VPS53: variants seen among roughly 807,000 people sequenced by gnomAD.
VPS53 encodes the protein VPS53 subunit of GARP complex.
Under a neutral mutation model 107.0 loss-of-function variants are expected in VPS53, and 70 were observed. The observed-to-expected ratio is 0.65, with a 90% CI of 0.54 to 0.80. VPS53 has a LOEUF of 0.80. VPS53 is among the 30% of genes least tolerant of loss of function. The probability of loss-of-function intolerance (pLI) is 0.00; values close to 1 mark genes in which losing one functional copy is unlikely to be tolerated. For missense variants in VPS53, 917 were observed against 1,049.4 expected, an observed-to-expected ratio of 0.87 and a Z score of 1.74; for synonymous variants, 409 against 393.3, an observed-to-expected ratio of 1.04 and a Z score of -0.47.
intron 4 of VPS53, among the ~76,000 whole-genome samples, chr17:663,207 A>C (rs1971543575): frequency 6.6e-6 from 1 of 152,190 alleles, no homozygotes; most frequent in Non-Finnish European, 1.5e-5. Context: ...GTCTCAAAAA[A>C]ACAAGCAAAA....
At chr17:671,474 G>A (rs762239347) in intron 4 of VPS53, among the ~76,000 whole-genome samples, 5 of 152,160 alleles carry the variant, frequency 3.3e-5, no homozygotes, top group African/African-American at 4.8e-5. Flanking sequence ...GCCAGTTACT[G>A]TGTGATTTCT....
At chr17:561,320 T>G (rs560465012) in intron 14 of VPS53, among the ~76,000 whole-genome samples, 3 of 152,314 alleles carry the variant, frequency 2.0e-5, no homozygotes, top group East Asian at 3.9e-4. Context: ...TCTGGATGCT[T>G]TGGAATCCTC....
rs1344386557 is a variant in VPS53, at chr17:673,096, A to T, written c.286-11201T>A. On this transcript the variant is annotated intron_variant, in intron 4 of 21. Coordinates refer to ENST00000437048, the MANE Select transcript of VPS53 (RefSeq NM_001128159.3). Reference sequence around the variant, plus strand: ...CACTGCACTCCAGCCTGGGGCACAGAGCAAGATTCCGTCGCAAAAAAAAAA... The same window carrying T: ...CACTGCACTCCAGCCTGGGGCACAGTGCAAGATTCCGTCGCAAAAAAAAAA... Among the ~76,000 whole-genome samples, 7 of 149,280 alleles carry T rather than the reference A, an allele frequency of 4.7e-5. No homozygotes were observed. In the East Asian group the frequency reaches 1.4e-3, roughly 30 times the overall value.
intron 17 of VPS53, among the ~76,000 whole-genome samples, chr17:540,971 G>T (rs373270372): frequency 6.6e-6 from 1 of 152,176 alleles, no homozygotes; most frequent in Non-Finnish European, 1.5e-5. Flanking sequence ...TAGCTTCAGT[G>T]GATCTTGTTT....
intron 13 of VPS53, among the ~76,000 whole-genome samples, chr17:570,718 A>C (rs981266739): frequency 1.3e-5 from 2 of 152,138 alleles, no homozygotes; most frequent in African/African-American, 4.8e-5. Flanking sequence ...ATAAACTAAC[A>C]ACCTGTGATC....
At chr17:562,853 C>T in intron 13 of VPS53, 108 bp from the exon 14 acceptor site, 1 of 1,284,148 alleles carries the variant, frequency 7.8e-7, no homozygotes, top group East Asian at 2.5e-5. Context: ...ATCATTCCTA[C>T]TGCATTTAAA....
chr17:622,644 A>G (rs1443816719), intron 11 of VPS53, among the ~76,000 whole-genome samples: 1 of 152,236 alleles, frequency 6.6e-6, no homozygotes, highest in Non-Finnish European at 1.5e-5. Flanking sequence ...CCCAGTGGAC[A>G]GGAAATCTGA....
rs763222488 is a variant in VPS53 at position 601,836 on chromosome 17, C to T, written c.1177G>A (p.Glu393Lys). Residue 393 changes from glutamate (E) to lysine (K), a missense_variant, in exon 12 of 22, where the codon GAG becomes AAG. By Grantham distance (56) the Glu-to-Lys change is moderately conservative (BLOSUM62 1). Transcript: ENST00000437048. Reference protein sequence around the residue: ...NPFLEDEPTPEMEELATEKGD... With the variant: ...NPFLEDEPTPKMEELATEKGD... The stretch of plus-strand genomic sequence containing the variant: ...TTCTCCGTTGCCAGTTCCTCCATCT[C>T]TGGTGTTGGCTCATCTTCCAGGAAG... 1 of 1,602,584 alleles carries T rather than the reference C, an allele frequency of 6.2e-7. No individual in the cohort carries two copies. The highest frequency in any genetic ancestry group is 1.1e-5 in the South Asian group (1 of 89,276).
chr17:671,644 G>A (rs79764933), intron 4 of VPS53, among the ~76,000 whole-genome samples: 10,422 of 151,516 alleles, frequency 0.069, 520 homozygotes, highest in Non-Finnish European at 0.11. Context: ...CTTTCACCGT[G>A]TTTCTACAGA....
At chr17:635,537 A>G (rs890972126) in intron 7 of VPS53, among the ~76,000 whole-genome samples, 5 of 152,292 alleles carry the variant, frequency 3.3e-5, no homozygotes, top group African/African-American at 9.6e-5. Flanking sequence ...TAGGTCTAAC[A>G]TTTAAGTCTT....
chr17:618,762 A>G (rs528804609), intron 11 of VPS53, among the ~76,000 whole-genome samples: 2 of 147,848 alleles, frequency 1.4e-5, no homozygotes, highest in Admixed American at 1.4e-4. Context: ...TGCCCCGCTA[A>G]TATTTCCCGG....
chr17:605,122 G>A (rs765000671), intron 11 of VPS53, among the ~76,000 whole-genome samples: 13 of 152,290 alleles, frequency 8.5e-5, no homozygotes, highest in Non-Finnish European at 1.5e-4. Flanking sequence ...GGTGGAGGGC[G>A]GAGGGAACAG....
chr17:530,730 G>A (rs1909475409), intron 19 of VPS53, among the ~76,000 whole-genome samples: 1 of 152,122 alleles, frequency 6.6e-6, no homozygotes, highest in Admixed American at 6.6e-5. Context: ...AATAATTAGT[G>A]ACCCTGCAAA....
intron 11 of VPS53, among the ~76,000 whole-genome samples, chr17:612,807 TAGTG>T (rs1324448569): frequency 2.7e-5 from 4 of 147,126 alleles, no homozygotes; most frequent in Non-Finnish European, 4.5e-5. Flanking sequence ...AATATTCACA[TAGTG>T]AGTTCACACA....
At chr17:643,521 T>TGAGGACAACACTCATACTTGGAAACC (rs1351854274) in intron 7 of VPS53, among the ~76,000 whole-genome samples, 2 of 91,162 alleles carry the variant, frequency 2.2e-5, no homozygotes, top group African/African-American at 4.6e-5. Flanking sequence ...ACTTGGCAAC[T>TGAGGACAACACTCATACTTGGAAACC]GAGGACAACA....
chr17:661,756 G>A (rs1253222584), intron 5 of VPS53, 53 bp downstream of exon 5: 6 of 1,509,462 alleles, frequency 4.0e-6, no homozygotes, highest in Middle Eastern at 3.4e-4. Flanking sequence ...GCCTAGATGA[G>A]AAGCTCACTT....
In VPS53 at chr17:680,326, G is replaced by A. The variant is rs1008042795; in HGVS notation, c.285+17092C>T. On this transcript the variant is annotated intron_variant, in intron 4 of 21. Transcript: ENST00000437048. ...CAACAACAAAAACTGACATAAACCCGATACAAAATCTAACAATGATAACCA... is the reference window on the plus strand; with the variant it reads ...CAACAACAAAAACTGACATAAACCCAATACAAAATCTAACAATGATAACCA... 4.6e-5 allele frequency among the ~76,000 whole-genome samples: 7 copies of A among 151,956 alleles called. No individual in the cohort carries two copies. In the South Asian group the frequency reaches 8.3e-4, roughly 18 times the overall value.
intron 2 of VPS53, among the ~76,000 whole-genome samples, chr17:707,844 CAAAAAAAA>C (rs10708313): frequency 7.9e-6 from 1 of 127,000 alleles, no homozygotes; most frequent in Non-Finnish European, 1.6e-5. Flanking sequence ...AACTCTCTTT[CAAAAAAAA>C]AAAAAAAAGG....
chr17:514,830 G>A lies in VPS53; in HGVS notation c.*4298C>T, dbSNP rs1177187971. 6.6e-6 allele frequency: 1 copy of A among 152,280 alleles called. No individual in the cohort carries two copies. Among genetic ancestry groups the A allele is most frequent in the African/African-American group, 2.4e-5 (1 of 41,434 alleles). The allele number at this position is 152,280 out of a possible 1,614,324, so 9.4% of individuals were successfully genotyped here. Reference sequence around the variant, plus strand: ...AGCCACCCTAGACATAAGAAATCAGGCACCCCTTCTCGGGGGTGGGCAGAG... The same window carrying A: ...AGCCACCCTAGACATAAGAAATCAGACACCCCTTCTCGGGGGTGGGCAGAG... On this transcript the variant is annotated 3_prime_UTR_variant, in exon 22 of 22. Transcript: ENST00000437048.
Sources: gnomAD v4.1 joint callset for allele counts (sites outside exome capture counted in the v4.1 genomes callset) on GRCh38, gnomAD v4.1.1 for gene constraint, MANE v1.5 for transcripts, NCBI Gene and HGNC (gene_info 2026-07-23, HGNC 2026-07-21) for gene names.